MC1R: variants seen among roughly 807,000 people sequenced by gnomAD.
MC1R encodes the protein melanocortin 1 receptor, also known as melanocyte-stimulating hormone receptor.
For missense variants in MC1R, 542 were observed against 430.0 expected, an observed-to-expected ratio of 1.26 and a Z score of -2.30; for synonymous variants, 263 against 203.8, an observed-to-expected ratio of 1.29 and a Z score of -2.47.
At position 89,920,239 on chromosome 16, in the gene MC1R, C is replaced by T. The variant is rs2045708588; in HGVS notation, c.*27C>T. ...CGCGGTGCACGCGGCTTTAAGTGTG[C>T]TGGGCAGAGGGAGGTGGTGATATTG... On this transcript the variant is annotated 3_prime_UTR_variant, in exon 1 of 1. Coordinates refer to ENST00000555147, the MANE Select transcript of MC1R (RefSeq NM_002386.4). 2 of 1,574,810 alleles carry T rather than the reference C, an allele frequency of 1.3e-6. No individual in the cohort carries two copies. The highest frequency in any genetic ancestry group is 8.7e-7 in the Non-Finnish European group (1 of 1,146,412).
Position 89,920,481 on chromosome 16 carries a change from C to A in MC1R, c.*269C>A. 1 of 616,462 alleles carries A rather than the reference C, an allele frequency of 1.6e-6. No individual in the cohort carries two copies. Among genetic ancestry groups the A allele is most frequent in the East Asian group, 2.7e-5 (1 of 36,378 alleles). 38.2% of individuals were successfully genotyped at this position (616,462 alleles called of 1,614,324 possible). On this transcript the variant is annotated 3_prime_UTR_variant, in exon 1 of 1. Transcript: ENST00000555147. ...GTTGTGGGGCCTCAGGCTCCGGGCA[C>A]CAGGGGCCAACCTCAGGCTCCTAAA...
chr16:89,919,807 C>G lies in MC1R; in HGVS notation c.549C>G (p.Tyr183Ter). 1 of 1,607,592 alleles carries G rather than the reference C, an allele frequency of 6.2e-7. No individual in the cohort carries two copies. The highest frequency in any genetic ancestry group is 8.5e-7 in the Non-Finnish European group (1 of 1,179,610). The change falls in exon 1 of 1, where the codon TAC (tyrosine) becomes TAG (stop). Residue 183 changes from tyrosine (Y) to a stop codon, truncating the protein, a stop_gained. Coordinates refer to ENST00000555147, the MANE Select transcript of MC1R (RefSeq NM_002386.4). LOFTEE classifies it low-confidence loss of function (END_TRUNC). The part of the protein sequence containing the change: ...VVFSTLFIAY[Y>*]DHVAVLLCLV... Reference sequence around the variant, plus strand: ...TCAGCACGCTCTTCATCGCCTACTACGACCACGTGGCCGTCCTGCTGTGCC... The same window carrying G: ...TCAGCACGCTCTTCATCGCCTACTAGGACCACGTGGCCGTCCTGCTGTGCC...
chr16:89,920,311 G>C lies in MC1R; in HGVS notation c.*99G>C, dbSNP rs1452125583. On this transcript the variant is annotated 3_prime_UTR_variant, in exon 1 of 1. Coordinates refer to ENST00000555147, the MANE Select transcript of MC1R (RefSeq NM_002386.4). ...CCCTGGGCAGTTCCTTACCTCCCTG[G>C]TCCCCGTTTGTCAAAGAGGATGGAC... is the stretch of plus-strand genomic sequence containing the variant. 2 of 975,938 alleles carry C rather than the reference G, an allele frequency of 2.0e-6. No homozygotes were observed. Among genetic ancestry groups the C allele is most frequent in the African/African-American group, 3.3e-5 (2 of 60,870 alleles). 60.5% of individuals were successfully genotyped at this position (975,938 alleles called of 1,614,324 possible). A position where few individuals can be genotyped will look rare whatever the true frequency, so the allele number is the denominator to read the frequency against.
In MC1R at chr16:89,920,539, G is replaced by C. The variant is rs1439652079; in HGVS notation, c.*327G>C. On this transcript the variant is annotated 3_prime_UTR_variant, in exon 1 of 1. Transcript: ENST00000555147. ...TTTCCGCCCACTCCTGGGACACTCC[G>C]TCTGCTCCAATGACTGAGCAGCATC... 3 of 629,204 alleles carry C rather than the reference G, an allele frequency of 4.8e-6. No individual in the cohort carries two copies. The East Asian group carries it at 8.2e-5, about 17-fold the overall frequency. The allele number at this position is 629,204 out of a possible 1,614,324, so 39.0% of individuals were successfully genotyped here.
chr16:89,920,573 C>T lies in MC1R; in HGVS notation c.*361C>T. On this transcript the variant is annotated 3_prime_UTR_variant, in exon 1 of 1. Transcript: ENST00000555147. ...AATGACTGAGCAGCATCCACCCCAC[C>T]CCATCTTTGCTGCCAGCTCTCAGGA... 1.5e-6 allele frequency: 1 copy of T among 663,290 alleles called. No individual in the cohort carries two copies. Among genetic ancestry groups the T allele is most frequent in the African/African-American group, 1.8e-5 (1 of 55,480 alleles). 41.1% of individuals were successfully genotyped at this position (663,290 alleles called of 1,614,324 possible). A position where few individuals can be genotyped will look rare whatever the true frequency, so the allele number is the denominator to read the frequency against.
chr16:89,919,783 C>T lies in MC1R; in HGVS notation c.525C>T (p.Phe175=). ...VAAIWVASVV[F]STLFIAYYDH... The stretch of plus-strand genomic sequence containing the variant: ...CCATCTGGGTGGCCAGTGTCGTCTT[C>T]AGCACGCTCTTCATCGCCTACTACG... The change falls in exon 1 of 1, where the codon TTC becomes TTT. Residue 175 remains phenylalanine (F), a synonymous_variant. Transcript: ENST00000555147. The T allele has an allele frequency of 1.2e-6, 2 of 1,608,546 alleles. No homozygotes were observed. Among genetic ancestry groups the T allele is most frequent in the African/African-American group, 1.3e-5 (1 of 75,066 alleles).
chr16:89,919,729 C>T lies in MC1R; in HGVS notation c.471C>T (p.Thr157=), dbSNP rs967011934. 1.4e-5 allele frequency: 23 copies of T among 1,606,222 alleles called. No homozygotes were observed. Among genetic ancestry groups the T allele is most frequent in the Middle Eastern group, 1.6e-4 (1 of 6,084 alleles). Residue 157 remains threonine (T), a synonymous_variant, in exon 1 of 1, where the codon ACC becomes ACT. Transcript: ENST00000555147. ...CACTGCGCTACCACAGCATCGTGACCCTGCCGCGGGCGCGGCGAGCCGTTG... is the reference window on the plus strand; with the variant it reads ...CACTGCGCTACCACAGCATCGTGACTCTGCCGCGGGCGCGGCGAGCCGTTG... ...FYALRYHSIV[T]LPRARRAVAA...
rs752618291 is a variant in MC1R at position 89,919,898 on chromosome 16, G to A, written c.640G>A (p.Ala214Thr). Residue 214 changes from alanine to threonine, a missense_variant, in exon 1 of 1, where the codon GCC (alanine) becomes ACC (threonine). Transcript: ENST00000555147. ...GCTGTACGTCCACATGCTGGCCCGG[G>A]CCTGCCAGCACGCCCAGGGCATCGC... ...AVLYVHMLAR[A>T]CQHAQGIARL... is the part of the protein sequence containing the mutation. The A allele has an allele frequency of 6.2e-6, 10 of 1,607,160 alleles. No homozygotes were observed. In the East Asian group the frequency reaches 2.0e-4, roughly 32 times the overall value.
In MC1R at chr16:89,919,838, GTCT is replaced by G. The variant is rs1039343100; in HGVS notation, c.586_588del (p.Phe196del). 1.2e-5 allele frequency: 19 copies of G among 1,606,612 alleles called. No individual in the cohort carries two copies. Among genetic ancestry groups the G allele is most frequent in the African/African-American group, 9.3e-5 (7 of 74,924 alleles). ...CGTGGCCGTCCTGCTGTGCCTCGTG[GTCT>G]TCTTCCTGGCTATGCTGGTGCTCAT... is the stretch of plus-strand genomic sequence containing the variant. On this transcript the variant is annotated inframe_deletion, in exon 1 of 1. Coordinates refer to ENST00000555147, the MANE Select transcript of MC1R (RefSeq NM_002386.4).
chr16:89,919,191 C>T lies in MC1R; in HGVS notation c.-68C>T. 1 of 1,136,702 alleles carries T rather than the reference C, an allele frequency of 8.8e-7. No homozygotes were observed. The highest frequency in any genetic ancestry group is 1.2e-6 in the Non-Finnish European group (1 of 806,242). The allele number at this position is 1,136,702 out of a possible 1,614,324, so 70.4% of individuals were successfully genotyped here. On this transcript the variant is annotated 5_prime_UTR_variant, in exon 1 of 1. Transcript: ENST00000555147. ...GCAGCACCATGAACTAAGCAGGACA[C>T]CTGGAGGGGAAGAACTGTGGGGACC... is the stretch of plus-strand genomic sequence containing the variant.
In MC1R at chr16:89,919,560, T is replaced by G. The variant is rs1213327236; in HGVS notation, c.302T>G (p.Leu101Arg). 1.2e-6 allele frequency: 2 copies of G among 1,612,062 alleles called. No homozygotes were observed. The highest frequency in any genetic ancestry group is 1.7e-6 in the Non-Finnish European group (2 of 1,179,770). ...NVLETAVILL[L>R]EAGALVARAA... is the part of the protein sequence containing the mutation. Reference sequence around the variant, plus strand: ...CTGGAGACGGCCGTCATCCTCCTGCTGGAGGCCGGTGCACTGGTGGCCCGG... The same window carrying G: ...CTGGAGACGGCCGTCATCCTCCTGCGGGAGGCCGGTGCACTGGTGGCCCGG... Residue 101 changes from leucine (L) to arginine (R), a missense_variant, in exon 1 of 1, where the codon CTG becomes CGG. By Grantham distance (102) the Leu-to-Arg change is moderately radical. Transcript: ENST00000555147.
In MC1R at chr16:89,919,036, T is replaced by G. The variant is rs1256065164; in HGVS notation, c.-223T>G. On this transcript the variant is annotated 5_prime_UTR_variant, in exon 1 of 1. An upstream start codon of the reference 5' UTR is lost. Transcript: ENST00000555147. ...AGAATCCCTGAGCCCAGGCGGTAGA[T>G]GCCAGGAGGTGTCTGGACTGGCTGG... The G allele has an allele frequency of 1.8e-6, 1 of 560,936 alleles. No individual in the cohort carries two copies. Among genetic ancestry groups the G allele is most frequent in the Non-Finnish European group, 3.2e-6 (1 of 315,608 alleles). 34.7% of individuals were successfully genotyped at this position (560,936 alleles called of 1,614,324 possible).
Position 89,918,946 on chromosome 16 carries a change from G to C in MC1R, c.-313G>C. The C allele has an allele frequency of 2.3e-6, 1 of 442,634 alleles. No individual in the cohort carries two copies. The highest frequency in any genetic ancestry group is 4.1e-6 in the Non-Finnish European group (1 of 243,584). 27.4% of individuals were successfully genotyped at this position (442,634 alleles called of 1,614,324 possible). On this transcript the variant is annotated 5_prime_UTR_variant, in exon 1 of 1. Transcript: ENST00000555147. The stretch of plus-strand genomic sequence containing the variant: ...CGGTCCAGAGGTGTCGAAATGTCCT[G>C]GGGACCTGAGCAGCAGCCACCAGGG...
At position 89,919,870 on chromosome 16, in the gene MC1R, C is replaced by T. The variant is rs773313328; in HGVS notation, c.612C>T (p.Ala204=). The change falls in exon 1 of 1, where the codon GCC becomes GCT. Residue 204 remains alanine (A), a synonymous_variant. Transcript: ENST00000555147. ...TCCTGGCTATGCTGGTGCTCATGGC[C>T]GTGCTGTACGTCCACATGCTGGCCC... ...VFFLAMLVLM[A]VLYVHMLARA... 31 of 1,606,026 alleles carry T rather than the reference C, an allele frequency of 1.9e-5. No individual in the cohort carries two copies. Among genetic ancestry groups the T allele is most frequent in the Admixed American group, 3.3e-5 (2 of 59,960 alleles).
rs566784469 is a variant in MC1R at position 89,919,834 on chromosome 16, C to G, written c.576C>G (p.Leu192=). The change falls in exon 1 of 1, where the codon CTC becomes CTG. Residue 192 remains leucine, a synonymous_variant. Transcript: ENST00000555147. The stretch of plus-strand genomic sequence containing the variant: ...ACCACGTGGCCGTCCTGCTGTGCCT[C>G]GTGGTCTTCTTCCTGGCTATGCTGG... ...YYDHVAVLLC[L]VVFFLAMLVL... 1.1e-5 allele frequency: 18 copies of G among 1,606,792 alleles called. No individual in the cohort carries two copies. The highest frequency in any genetic ancestry group is 2.7e-5 in the African/African-American group (2 of 75,056).
At position 89,920,224 on chromosome 16, in the gene MC1R, G is replaced by T; in HGVS notation, c.*12G>T. ...CATGCTCCTGGTGAGCGCGGTGCAC[G>T]CGGCTTTAAGTGTGCTGGGCAGAGG... On this transcript the variant is annotated 3_prime_UTR_variant, in exon 1 of 1. Transcript: ENST00000555147. 1.2e-6 allele frequency: 2 copies of T among 1,602,726 alleles called. No homozygotes were observed. Among genetic ancestry groups the T allele is most frequent in the Non-Finnish European group, 1.7e-6 (2 of 1,169,968 alleles).
In MC1R at chr16:89,920,061, C is replaced by T. The variant is rs527697723; in HGVS notation, c.803C>T (p.Pro268Leu). The change falls in exon 1 of 1, where the codon CCC becomes CTC. Residue 268 changes from proline (P) to leucine (L), a missense_variant. Physicochemically the swap from Pro to Leu is moderately conservative, Grantham distance 98. Coordinates refer to ENST00000555147, the MANE Select transcript of MC1R (RefSeq NM_002386.4). Reference sequence around the variant, plus strand: ...CATCTCACACTCATCGTCCTCTGCCCCGAGCACCCCACGTGCGGCTGCATC... The same window carrying T: ...CATCTCACACTCATCGTCCTCTGCCTCGAGCACCCCACGTGCGGCTGCATC... ...FLHLTLIVLC[P>L]EHPTCGCIFK... 9.9e-6 allele frequency: 16 copies of T among 1,613,896 alleles called. No individual in the cohort carries two copies. The highest frequency in any genetic ancestry group is 1.2e-5 in the Non-Finnish European group (14 of 1,179,888).
chr16:89,920,196 T>G lies in MC1R; in HGVS notation c.938T>G (p.Leu313Arg). 1.2e-6 allele frequency: 2 copies of G among 1,613,778 alleles called. No individual in the cohort carries two copies. Among genetic ancestry groups the G allele is most frequent in the South Asian group, 2.2e-5 (2 of 91,086 alleles). ...CTCCGCAGGACGCTCAAGGAGGTGCTGACATGCTCCTGGTGAGCGCGGTGC... is the reference window on the plus strand; with the variant it reads ...CTCCGCAGGACGCTCAAGGAGGTGCGGACATGCTCCTGGTGAGCGCGGTGC... ...QELRRTLKEVLTCSW is the reference protein window; with the variant it reads ...QELRRTLKEVRTCSW Residue 313 changes from leucine (L) to arginine (R), a missense_variant, in exon 1 of 1, where the codon CTG becomes CGG. Coordinates refer to ENST00000555147, the MANE Select transcript of MC1R (RefSeq NM_002386.4).
rs754573808 is a variant in MC1R at position 89,919,550 on chromosome 16, ATCC to A, written c.297_299del (p.Leu101del). On this transcript the variant is annotated inframe_deletion, in exon 1 of 1. Coordinates refer to ENST00000555147, the MANE Select transcript of MC1R (RefSeq NM_002386.4). ...GAGCAACGTGCTGGAGACGGCCGTC[ATCC>A]TCCTGCTGGAGGCCGGTGCACTGGT... The A allele has an allele frequency of 1.6e-5, 26 of 1,612,372 alleles. No homozygotes were observed. In the African/African-American group the frequency reaches 3.2e-4, roughly 20 times the overall value.
Sources: allele counts gnomAD v4.1 joint callset, GRCh38; gene constraint gnomAD v4.1.1; transcripts MANE v1.5; gene names NCBI Gene and HGNC (gene_info 2026-07-23, HGNC 2026-07-21).